Variants in GPATCH2 observed in about 807,000 individuals in gnomAD.
GPATCH2 encodes G-patch domain containing 2.
A neutral mutation model predicts 58.0 loss-of-function variants in GPATCH2; 51 were observed. That is an observed-to-expected ratio of 0.88 (90% CI 0.70 to 1.11). GPATCH2 has a LOEUF of 1.11. Ranked by LOEUF, GPATCH2 falls within the 50% of genes most tolerant of loss-of-function variation. GPATCH2 has a pLI of 0.00. For missense variants in GPATCH2, 625 were observed against 652.2 expected (o/e 0.96, Z 0.45); for synonymous variants, 222 against 218.5 (o/e 1.02, Z -0.14).
chr1:217,491,694 C>T lies in GPATCH2; in HGVS notation c.1263G>A (p.Val421=). ...AERGHKKNCS[V]RTASRQTSMH... is the part of the protein sequence containing the mutation. ...GAATTGCTTACCTGCTGGCTGTTCT[C>T]ACAGAACAATTTTTCTTGTGTCCTC... The change falls in exon 8 of 10, where the codon GTG becomes GTA. Residue 421 remains valine, a synonymous_variant. Coordinates refer to ENST00000366935, the MANE Select transcript of GPATCH2 (RefSeq NM_018040.5). 1 of 1,505,208 alleles carries T rather than the reference C, an allele frequency of 6.6e-7. No homozygotes were observed. Among genetic ancestry groups the T allele is most frequent in the South Asian group, 1.2e-5 (1 of 85,684 alleles). 93.2% of individuals were successfully genotyped at this position (1,505,208 alleles called of 1,614,324 possible). A position where few individuals can be genotyped will look rare whatever the true frequency, so the allele number is the denominator to read the frequency against.
chr1:217,610,089 C>A (rs1668550559), intron 5 of GPATCH2: 2 of 1,527,686 alleles, frequency 1.3e-6, no homozygotes, highest in South Asian at 2.5e-5. Flanking sequence ...AGGACAGGAG[C>A]CAGGTTCCCT....
At chr1:217,507,626 A>T (rs182190198) in intron 6 of GPATCH2, among the ~76,000 whole-genome samples, 180 of 152,296 alleles carry the variant, frequency 1.2e-3, no homozygotes, top group African/African-American at 4.0e-3. Flanking sequence ...ATAAATATTA[A>T]TTTTCTTCCC....
intron 6 of GPATCH2, among the ~76,000 whole-genome samples, chr1:217,504,214 A>C (rs1346727381): frequency 1.3e-5 from 2 of 152,128 alleles, no homozygotes; most frequent in South Asian, 4.1e-4. Flanking sequence ...AAAAAGGAAT[A>C]ATCTGAAAGG....
At chr1:217,575,695 A>G (rs563121548) in intron 5 of GPATCH2, among the ~76,000 whole-genome samples, 2 of 152,268 alleles carry the variant, frequency 1.3e-5, no homozygotes, top group Admixed American at 1.3e-4. Flanking sequence ...ACAAAAAAAC[A>G]AACAAATATC....
At chr1:217,551,170 G>C (rs150488447) in intron 5 of GPATCH2, among the ~76,000 whole-genome samples, 42 of 150,650 alleles carry the variant, frequency 2.8e-4, no homozygotes, top group African/African-American at 9.5e-4. Context: ...GTGCAAATCT[G>C]GTTATGTCAG....
chr1:217,511,859 G>C (rs1662869922), intron 6 of GPATCH2, among the ~76,000 whole-genome samples: 1 of 151,618 alleles, frequency 6.6e-6, no homozygotes. Flanking sequence ...ATACAGCGTT[G>C]CCTGTATACT....
At chr1:217,454,238 A>G (rs1571727579) in intron 8 of GPATCH2, among the ~76,000 whole-genome samples, 2 of 152,298 alleles carry the variant, frequency 1.3e-5, no homozygotes, top group South Asian at 2.1e-4. Context: ...CAATACAATA[A>G]GTATCAAGCA....
chr1:217,436,486 G>C (rs7536583), intron 9 of GPATCH2, among the ~76,000 whole-genome samples: 4,549 of 152,216 alleles, frequency 0.03, 214 homozygotes, highest in African/African-American at 0.1. Flanking sequence ...TTCTTTACCT[G>C]ATTCCCCTGA....
intron 8 of GPATCH2, 90 bp from the exon 9 acceptor site, chr1:217,449,427 C>A: frequency 1.3e-6 from 1 of 782,012 alleles, no homozygotes; most frequent in Non-Finnish European, 2.2e-6. Flanking sequence ...TAAATCAAAA[C>A]GTTCTCAACA....
intron 8 of GPATCH2, among the ~76,000 whole-genome samples, chr1:217,481,227 T>C (rs1159268899): frequency 1.3e-5 from 2 of 152,212 alleles, no homozygotes; most frequent in East Asian, 3.9e-4. Context: ...ATGTGATTAT[T>C]ATGCATTGCA....
intron 5 of GPATCH2, among the ~76,000 whole-genome samples, chr1:217,604,316 A>G (rs951922378): frequency 2.7e-5 from 4 of 150,860 alleles, no homozygotes; most frequent in Non-Finnish European, 5.9e-5. Flanking sequence ...ACACCACTGC[A>G]CTCCAACCTG....
chr1:217,451,645 C>T (rs568049481), intron 8 of GPATCH2, among the ~76,000 whole-genome samples: 39 of 152,264 alleles, frequency 2.6e-4, no homozygotes, highest in Non-Finnish European at 4.6e-4. Context: ...TATCTTATCC[C>T]TATTGAAATC....
intron 5 of GPATCH2, among the ~76,000 whole-genome samples, chr1:217,538,823 T>A (rs1052906304): frequency 1.3e-5 from 2 of 152,152 alleles, no homozygotes; most frequent in Non-Finnish European, 2.9e-5. Flanking sequence ...CACTTAACAG[T>A]GTTGGGTCCT....
intron 6 of GPATCH2, among the ~76,000 whole-genome samples, chr1:217,499,733 CTT>C (rs531197050): frequency 1.3e-4 from 19 of 141,044 alleles, no homozygotes; most frequent in Non-Finnish European, 1.9e-4. Context: ...TGGATTGTGC[CTT>C]TTTTTTTTTT....
rs576134986 is a variant in GPATCH2, at chr1:217,552,553, T to C, written c.1099-37664A>G. Among the ~76,000 whole-genome samples, 6 of 152,306 alleles carry C rather than the reference T, an allele frequency of 3.9e-5. No homozygotes were observed. In the East Asian group the frequency reaches 1.2e-3, roughly 29 times the overall value. On this transcript the variant is annotated intron_variant, in intron 5 of 9. Coordinates refer to ENST00000366935, the MANE Select transcript of GPATCH2 (RefSeq NM_018040.5). ...CAGTGATGAAAAGTCCATATGTTAC[T>C]GTGCCACCATAAATTATGTTGGAAC...
At chr1:217,628,683 A>C (rs1232942506) in intron 1 of GPATCH2, among the ~76,000 whole-genome samples, 1 of 86,048 alleles carries the variant, frequency 1.2e-5, no homozygotes, top group Non-Finnish European at 2.7e-5. Context: ...TAATAAAGTT[A>C]AAAAAAAAAA....
At position 217,565,412 on chromosome 1, in the gene GPATCH2, C is replaced by T. The variant is rs138601958; in HGVS notation, c.1098+44909G>A. 3.2e-4 allele frequency among the ~76,000 whole-genome samples: 48 copies of T among 152,118 alleles called. No homozygotes were observed. The East Asian group carries it at 7.5e-3, about 24-fold the overall frequency. On this transcript the variant is annotated intron_variant, in intron 5 of 9. Transcript: ENST00000366935. ...TAAAATAAACAGTTATTATTCTTTA[C>T]GAAATTTAAGGAAATTCCTGAAAAG...
chr1:217,596,877 T>G (rs371769751), intron 5 of GPATCH2, among the ~76,000 whole-genome samples: 4 of 152,082 alleles, frequency 2.6e-5, no homozygotes, highest in African/African-American at 9.7e-5. Context: ...ATAATGATAA[T>G]TAAAAGAAAA....
intron 8 of GPATCH2, among the ~76,000 whole-genome samples, chr1:217,454,600 A>AC (rs1192151994): frequency 2.0e-5 from 3 of 150,396 alleles, no homozygotes; most frequent in African/African-American, 4.9e-5. Context: ...AAAAAAAAAA[A>AC]AAAAAAAAAA....
Sources: gnomAD v4.1 joint callset for allele counts (sites outside exome capture counted in the v4.1 genomes callset) on GRCh38, gnomAD v4.1.1 for gene constraint, MANE v1.5 for transcripts, NCBI Gene and HGNC (gene_info 2026-07-23, HGNC 2026-07-21) for gene names.